CTNND2: variants seen among roughly 807,000 people sequenced by gnomAD.
CTNND2 encodes the protein catenin delta 2.
CTNND2 carries 22 observed loss-of-function variants against 144.4 expected under a neutral mutation model. The ratio of observed to expected loss-of-function variants is 0.15; its 90% CI spans 0.11 to 0.22. The LOEUF (loss-of-function observed/expected upper bound fraction) is 0.22. CTNND2 is among the 10% of genes least tolerant of loss of function. CTNND2 has a pLI of 1.00. For missense variants in CTNND2, 1,353 were observed against 1,618.8 expected (o/e 0.84, Z 2.82); for synonymous variants, 751 against 695.6 (o/e 1.08, Z -1.25).
chr5:11,210,135 G>C (rs540905159), intron 10 of CTNND2, among the ~76,000 whole-genome samples: 1 of 152,128 alleles, frequency 6.6e-6, no homozygotes, highest in Non-Finnish European at 1.5e-5. Flanking sequence ...ATTGGGCGTG[G>C]TGGCTCACAT....
At chr5:11,171,965 A>C (rs922194383) in intron 11 of CTNND2, among the ~76,000 whole-genome samples, 1 of 152,226 alleles carries the variant, frequency 6.6e-6, no homozygotes, top group Non-Finnish European at 1.5e-5. Flanking sequence ...TGAGTAAAAA[A>C]GTTCAACAAC....
chr5:11,234,202 G>A (rs1285836107), intron 10 of CTNND2, among the ~76,000 whole-genome samples: 1 of 151,898 alleles, frequency 6.6e-6, no homozygotes, highest in East Asian at 1.9e-4. Flanking sequence ...TATGCACACA[G>A]AGACACAGGC....
In CTNND2 at chr5:11,199,568, G is replaced by T. The variant is rs527581705; in HGVS notation, c.1855C>A (p.Leu619Met). 1.2e-6 allele frequency: 2 copies of T among 1,614,160 alleles called. No individual in the cohort carries two copies. Among genetic ancestry groups the T allele is most frequent in the Non-Finnish European group, 1.7e-6 (2 of 1,180,038 alleles). ...HRSACGALRN[L>M]VYGKANDDNK... ...TCATCGTTGGCCTTCCCATACACCA[G>T]GTTTCTCAGAGCTCCACAGGCACTA... Residue 619 changes from leucine to methionine, a missense_variant, in exon 11 of 22, where the codon CTG becomes ATG. By Grantham distance (15) the Leu-to-Met change is conservative. Around this residue, in one of 4 missense-constraint regions of CTNND2, gnomAD observed 69 missense variants for 120.3 expected, o/e 0.57. Transcript: ENST00000304623.
At chr5:11,479,461 C>T (rs913033746) in intron 3 of CTNND2, among the ~76,000 whole-genome samples, 1 of 152,158 alleles carries the variant, frequency 6.6e-6, no homozygotes, top group African/African-American at 2.4e-5. Context: ...AATGAACATA[C>T]ACATGCATGT....
chr5:11,596,240 A>T (rs1779497776), intron 2 of CTNND2, among the ~76,000 whole-genome samples: 1 of 152,204 alleles, frequency 6.6e-6, no homozygotes, highest in Non-Finnish European at 1.5e-5. Context: ...ACTGCATCCT[A>T]ATCACCCAGC....
chr5:11,458,858 G>A (rs781519397), intron 3 of CTNND2, among the ~76,000 whole-genome samples: 1 of 152,082 alleles, frequency 6.6e-6, no homozygotes, highest in Non-Finnish European at 1.5e-5. Context: ...TGAAGCAATA[G>A]AGCAATAGAT....
intron 3 of CTNND2, among the ~76,000 whole-genome samples, chr5:11,419,242 T>C (rs145509791): frequency 6.6e-6 from 1 of 152,184 alleles, no homozygotes; most frequent in Non-Finnish European, 1.5e-5. Context: ...TGACCTGAAG[T>C]TATTATGACA....
chr5:11,059,026 T>A (rs1270921722), intron 16 of CTNND2, among the ~76,000 whole-genome samples: 2 of 152,222 alleles, frequency 1.3e-5, no homozygotes, highest in African/African-American at 4.8e-5. Context: ...TTGCTTTTGA[T>A]TTTACAGGCT....
intron 1 of CTNND2, among the ~76,000 whole-genome samples, chr5:11,841,517 C>A (rs990837352): frequency 6.6e-6 from 1 of 152,224 alleles, no homozygotes; most frequent in Non-Finnish European, 1.5e-5. Context: ...AATTATGGAA[C>A]TTTTATTTAG....
intron 9 of CTNND2, among the ~76,000 whole-genome samples, chr5:11,310,606 G>C (rs556749816): frequency 3.6e-4 from 55 of 151,914 alleles, no homozygotes; most frequent in African/African-American, 1.2e-3. Flanking sequence ...CAAAGGCCAT[G>C]CTGTTTCTCA....
intron 3 of CTNND2, among the ~76,000 whole-genome samples, chr5:11,420,401 C>G (rs1376019600): frequency 2.6e-5 from 4 of 152,162 alleles, no homozygotes; most frequent in Non-Finnish European, 5.9e-5. Context: ...TGATGATGTC[C>G]ATATGACCTG....
chr5:11,326,039 A>G (rs1027034785), intron 9 of CTNND2, among the ~76,000 whole-genome samples: 12 of 152,160 alleles, frequency 7.9e-5, no homozygotes, highest in Admixed American at 2.6e-4. Context: ...TTACACACAC[A>G]TGCGCCACCT....
At chr5:11,598,059 G>A (rs1385139358) in intron 2 of CTNND2, among the ~76,000 whole-genome samples, 2 of 152,100 alleles carry the variant, frequency 1.3e-5, no homozygotes, top group Non-Finnish European at 2.9e-5. Context: ...TAGCCTTAAA[G>A]TAAAATGTTA....
chr5:11,420,330 A>G (rs1263178590), intron 3 of CTNND2, among the ~76,000 whole-genome samples: 1 of 152,154 alleles, frequency 6.6e-6, no homozygotes, highest in Non-Finnish European at 1.5e-5. Context: ...GTCAAAAAAC[A>G]AAAACAAAAA....
chr5:11,805,627 T>C (rs1456868230), intron 1 of CTNND2, among the ~76,000 whole-genome samples: 2 of 152,064 alleles, frequency 1.3e-5, no homozygotes, highest in African/African-American at 4.8e-5. Flanking sequence ...ACAAAATAAA[T>C]ATGCTAGCAT....
intron 1 of CTNND2, among the ~76,000 whole-genome samples, chr5:11,748,705 C>G (rs1035728608): frequency 5.3e-5 from 8 of 152,006 alleles, no homozygotes; most frequent in African/African-American, 1.9e-4. Context: ...AATATTTTCC[C>G]TCTCACCTGC....
chr5:11,476,317 T>C (rs761773384), intron 3 of CTNND2, among the ~76,000 whole-genome samples: 8 of 152,202 alleles, frequency 5.3e-5, no homozygotes, highest in Non-Finnish European at 8.8e-5. Context: ...TGAGGGTTAT[T>C]ACTTGGACAA....
At chr5:11,157,871 T>C (rs557336790) in intron 12 of CTNND2, among the ~76,000 whole-genome samples, 203 of 152,322 alleles carry the variant, frequency 1.3e-3, no homozygotes, top group African/African-American at 4.7e-3. Flanking sequence ...TAGACAGGGA[T>C]GGGGAGTCAT....
In CTNND2 at chr5:11,384,655, G is replaced by C. The variant is rs1468399078; in HGVS notation, c.1177+10C>G. 5.0e-6 allele frequency: 8 copies of C among 1,592,748 alleles called. No individual in the cohort carries two copies. Among genetic ancestry groups the C allele is most frequent in the Admixed American group, 1.7e-5 (1 of 59,012 alleles). On this transcript the variant is annotated intron_variant, in intron 7 of 21. Coordinates refer to ENST00000304623, the MANE Select transcript of CTNND2 (RefSeq NM_001332.4). The surrounding 1 kb of genome is among the most constrained non-coding windows in gnomAD (Gnocchi z 5.2). ...CAGGTGAGTCGCGCCAGGTGGCAGC[G>C]AGCCTTTACCTGCCAGGCTGCCCGG...
Sources: gnomAD v4.1 joint callset for allele counts (sites outside exome capture counted in the v4.1 genomes callset) on GRCh38, gnomAD v4.1.1 for gene constraint, gnomAD v4.1.1 regional missense constraint, Gnocchi (gnomAD v3.1) non-coding constraint, MANE v1.5 for transcripts, NCBI Gene and HGNC (gene_info 2026-07-23, HGNC 2026-07-21) for gene names.